RINT1: variants seen among roughly 807,000 people sequenced by gnomAD.
RINT1 encodes RAD50-interacting protein 1.
In RINT1, 75 loss-of-function variants were observed where a neutral mutation model predicts 97.7. The observed-to-expected ratio is 0.77, with a 90% CI of 0.64 to 0.93. The LOEUF (loss-of-function observed/expected upper bound fraction) is 0.93. RINT1 is among the 40% of genes least tolerant of loss of function. The pLI is 0.00. For synonymous variants in RINT1, 303 were observed against 326.3 expected, an observed-to-expected ratio of 0.93 and a Z score of 0.77; for missense variants, 892 against 925.2, an observed-to-expected ratio of 0.96 and a Z score of 0.47.
In RINT1 at chr7:105,545,197, T is replaced by C. The variant is rs140561409; in HGVS notation, c.516-1713T>C. ...CCGGGCATGGTGGCTCATGCCGTAG[T>C]CCTAGCACTTTGAGAGGCTGAGGTG... On this transcript the variant is annotated intron_variant, in intron 4 of 14. Transcript: ENST00000257700. Among the ~76,000 whole-genome samples the C allele has an allele frequency of 9.9e-5, 15 of 152,142 alleles. 1 individual carries two copies. The East Asian group carries it at 2.9e-3, about 29-fold the overall frequency.
At chr7:105,551,849 T>C in intron 10 of RINT1, 142 bp downstream of exon 10, 1 of 576,674 alleles carries the variant, frequency 1.7e-6, no homozygotes. Flanking sequence ...GCAGGTTGCT[T>C]GAGCCCAGGA....
intron 4 of RINT1, among the ~76,000 whole-genome samples, chr7:105,543,956 C>T (rs1279267506): frequency 6.6e-6 from 1 of 151,602 alleles, no homozygotes; most frequent in African/African-American, 2.4e-5. Context: ...AGAAATTAGC[C>T]AGGCATGGTG....
At chr7:105,551,292 T>A (rs866921686) in intron 9 of RINT1, among the ~76,000 whole-genome samples, 1 of 152,144 alleles carries the variant, frequency 6.6e-6, no homozygotes, top group South Asian at 2.1e-4. Context: ...CTTGGCCTCC[T>A]GGAGTGCTGG....
At chr7:105,547,654 C>T (rs1284366295) in intron 6 of RINT1, among the ~76,000 whole-genome samples, 2 of 150,044 alleles carry the variant, frequency 1.3e-5, no homozygotes, top group Non-Finnish European at 3.0e-5. Context: ...TCAAATGATA[C>T]TTGAATTTTT....
chr7:105,551,322 C>T (rs1300313242), intron 9 of RINT1, among the ~76,000 whole-genome samples: 1 of 152,102 alleles, frequency 6.6e-6, no homozygotes, highest in Non-Finnish European at 1.5e-5. Flanking sequence ...TGTGAGCCAC[C>T]GTGCCTGGCC....
rs1488577032 is a variant in RINT1 at position 105,555,234 on chromosome 7, T to C, written c.1671+7T>C. The C allele has an allele frequency of 6.2e-7, 1 of 1,607,036 alleles. No homozygotes were observed. Among genetic ancestry groups the C allele is most frequent in the African/African-American group, 1.3e-5 (1 of 74,682 alleles). On this transcript the variant is annotated splice_region_variant and intron_variant, in intron 11 of 14. Transcript: ENST00000257700. ...AGATTGGGCTGACAATGTTGTGAGT[T>C]AATATGCTTTTATATTAAGTAATAT...
chr7:105,536,423 T>G, intron 2 of RINT1, 142 bp from the exon 3 acceptor site: 3 of 509,608 alleles, frequency 5.9e-6, no homozygotes, highest in Non-Finnish European at 6.8e-6. Flanking sequence ...CCTCCCAAAG[T>G]GCTGGGATCA....
rs1381405011 is a variant in RINT1, at chr7:105,554,574, GA to G, written c.1472-453del. Among the ~76,000 whole-genome samples the G allele has an allele frequency of 4.6e-5, 7 of 151,892 alleles. No individual in the cohort carries two copies. The East Asian group carries it at 1.4e-3, about 29-fold the overall frequency. On this transcript the variant is annotated intron_variant, in intron 10 of 14. Coordinates refer to ENST00000257700, the MANE Select transcript of RINT1 (RefSeq NM_021930.6). The stretch of plus-strand genomic sequence containing the variant: ...CTGCCTCAGACTCCCAAGTAGCTGG[GA>G]TTACAGGCACACGCCACTACTGCCC...
intron 11 of RINT1, among the ~76,000 whole-genome samples, chr7:105,562,133 T>C (rs1264963640): frequency 3.3e-5 from 5 of 152,222 alleles, no homozygotes; most frequent in Admixed American, 3.3e-4. Flanking sequence ...CAAACTCTTC[T>C]GCTTTTTCCG....
At chr7:105,532,567 C>T (rs1208271759) in intron 1 of RINT1, among the ~76,000 whole-genome samples, 1 of 152,168 alleles carries the variant, frequency 6.6e-6, no homozygotes, top group African/African-American at 2.4e-5. Context: ...TGACAGATTT[C>T]TCTAGGGAGG....
chr7:105,554,991 C>A (rs1184338530), intron 10 of RINT1, 37 bp from the exon 11 acceptor site: 2 of 1,556,312 alleles, frequency 1.3e-6, no homozygotes, highest in African/African-American at 2.7e-5. Flanking sequence ...ATAGATGGTA[C>A]CAAAACCTTC....
chr7:105,533,047 A>G (rs1790096387), intron 2 of RINT1, among the ~76,000 whole-genome samples, 178 bp downstream of exon 2: 2 of 152,228 alleles, frequency 1.3e-5, no homozygotes, highest in Admixed American at 1.3e-4. Context: ...CTAAAATTGT[A>G]AAATATGGGA....
chr7:105,563,089 G>A (rs560562056), intron 11 of RINT1, among the ~76,000 whole-genome samples: 3 of 151,374 alleles, frequency 2.0e-5, no homozygotes, highest in East Asian at 1.9e-4. Flanking sequence ...GTGCTGATAC[G>A]TGTTACAATA....
rs1227176969 is a variant in RINT1, at chr7:105,565,341, T to C, written c.1951T>C (p.Leu651=). Residue 651 remains leucine, a synonymous_variant, in exon 13 of 15, where the codon TTG becomes CTG. Transcript: ENST00000257700. ...GTCCCTGTCCAGTTCGGCTTGCCCG[T>C]TGCTGCTGACGTTACGAGACCATTT... ...VMSLSSSACP[L]LLTLRDHLLQ... The C allele has an allele frequency of 1.2e-6, 2 of 1,614,254 alleles. No individual in the cohort carries two copies. Among genetic ancestry groups the C allele is most frequent in the Non-Finnish European group, 1.7e-6 (2 of 1,180,042 alleles).
intron 6 of RINT1, among the ~76,000 whole-genome samples, chr7:105,548,209 T>C (rs1790758825): frequency 6.6e-6 from 1 of 151,918 alleles, no homozygotes; most frequent in African/African-American, 2.4e-5. Context: ...TGTTGTTTTT[T>C]GTAGAGATAG....
chr7:105,560,548 T>TA (rs1452385074), intron 11 of RINT1, among the ~76,000 whole-genome samples: 1 of 152,228 alleles, frequency 6.6e-6, no homozygotes, highest in East Asian at 1.9e-4. Context: ...AGTAAATGTA[T>TA]AAAAAAATTA....
chr7:105,546,747 A>T (rs1790681747), intron 4 of RINT1, among the ~76,000 whole-genome samples, 163 bp from the exon 5 acceptor site: 1 of 152,092 alleles, frequency 6.6e-6, no homozygotes, highest in Non-Finnish European at 1.5e-5. Flanking sequence ...ATGGGGGCGC[A>T]TGCCTGTAAT....
At chr7:105,541,744 C>T (rs1003489361) in intron 3 of RINT1, 2 of 152,110 alleles carry the variant, frequency 1.3e-5, no homozygotes, top group Non-Finnish European at 2.9e-5. Context: ...CCACTGCACT[C>T]CAGCCTGGGT....
In RINT1 at chr7:105,536,747, C is replaced by A. The variant is rs759572033; in HGVS notation, c.271C>A (p.Gln91Lys). 3 of 1,580,020 alleles carry A rather than the reference C, an allele frequency of 1.9e-6. No individual in the cohort carries two copies. Among genetic ancestry groups the A allele is most frequent in the East Asian group, 2.2e-5 (1 of 44,460 alleles). ...AGTAAGTAAAATGCAGTTAGAAGAA[C>A]AGGTAAGTATTGAAACTCACTGAAA... Reference protein sequence around the residue: ...RTVSKMQLEEQVLTISSEIPK... With the variant: ...RTVSKMQLEEKVLTISSEIPK... Residue 91 changes from glutamine (Q) to lysine (K), a missense_variant and splice_region_variant, in exon 3 of 15, where the codon CAG (glutamine) becomes AAG (lysine). By Grantham distance (53) the Gln-to-Lys change is moderately conservative. Coordinates refer to ENST00000257700, the MANE Select transcript of RINT1 (RefSeq NM_021930.6).
Sources: allele counts gnomAD v4.1 joint callset (sites outside exome capture counted in the v4.1 genomes callset), GRCh38; gene constraint gnomAD v4.1.1; transcripts MANE v1.5; gene names NCBI Gene and HGNC (gene_info 2026-07-23, HGNC 2026-07-21).